The following PDE4C variants were observed in gnomAD, a reference collection of about 807,000 sequenced individuals.
PDE4C encodes 3',5'-cyclic-AMP phosphodiesterase 4C.
A neutral mutation model predicts 63.9 loss-of-function variants in PDE4C; 50 were observed. That is an observed-to-expected ratio of 0.78 (90% CI 0.62 to 0.99). The LOEUF is 0.99. PDE4C is among the 50% of genes least tolerant of loss of function. PDE4C has a pLI of 0.00. For synonymous variants in PDE4C, 377 were observed against 385.1 expected (o/e 0.98, Z 0.25); for missense variants, 777 against 899.1 (o/e 0.86, Z 1.74).
rs147079191 is a variant in PDE4C, at chr19:18,224,892, A to C, written c.146+1378T>G. On this transcript the variant is annotated intron_variant, in intron 1 of 14. Transcript: ENST00000262805. ...GGACTGGAGGCGGCGGATAACCCAG[A>C]TCTGCCCCTCGAGGGGGAGGCATGC... Among the ~76,000 whole-genome samples, 996 of 152,266 alleles carry C rather than the reference A, an allele frequency of 6.5e-3. 14 individuals carry two copies. The highest frequency in any genetic ancestry group is 0.023 in the African/African-American group (941 of 41,550).
At chr19:18,223,294 T>G (rs1968572373) in intron 1 of PDE4C, among the ~76,000 whole-genome samples, 1 of 150,534 alleles carries the variant, frequency 6.6e-6, no homozygotes, top group Non-Finnish European at 1.5e-5. Context: ...CACCGCAACC[T>G]CCGCCTCCCA....
chr19:18,239,335 A>G (rs1055223370), intron 1 of PDE4C, among the ~76,000 whole-genome samples: 3 of 152,232 alleles, frequency 2.0e-5, no homozygotes, highest in South Asian at 4.1e-4. Flanking sequence ...AATGCTGGAT[A>G]CATTTTAAGA....
intron 1 of PDE4C, 36 bp from the exon 2 acceptor site, chr19:18,222,359 C>G (rs1264687886): frequency 6.3e-7 from 1 of 1,580,184 alleles, no homozygotes; most frequent in Non-Finnish European, 8.6e-7. Context: ...AGACGAGGGT[C>G]ATGACAACTG....
chr19:18,217,122 A>T, intron 11 of PDE4C: 1 of 453,654 alleles, frequency 2.2e-6, no homozygotes, highest in Non-Finnish European at 3.9e-6. Flanking sequence ...CTCCTCATGG[A>T]CCCCCTATGG....
chr19:18,245,139 GTTGGTTT>G, intron 1 of PDE4C, among the ~76,000 whole-genome samples: 1 of 139,504 alleles, frequency 7.2e-6, no homozygotes, highest in Middle Eastern at 4.0e-3. Context: ...CTAGCCTGTT[GTTGGTTT>G]TTTGTTTGTT....
chr19:18,212,412 C>T lies in PDE4C; in HGVS notation c.1513-471G>A, dbSNP rs576078648. Among the ~76,000 whole-genome samples the T allele has an allele frequency of 4.6e-5, 7 of 151,098 alleles. No homozygotes were observed. In the South Asian group the frequency reaches 6.3e-4, roughly 14 times the overall value. On this transcript the variant is annotated intron_variant, in intron 13 of 14. Transcript: ENST00000262805. ...CTGGTCTCAAACTCCTGAGCTCAAGCGATCCACCCATCTCAGCCTCTCAAA... is the reference window on the plus strand; with the variant it reads ...CTGGTCTCAAACTCCTGAGCTCAAGTGATCCACCCATCTCAGCCTCTCAAA...
chr19:18,221,052 G>GCCAGGGCCCCCCCCCCCCCCCCCCCC, intron 4 of PDE4C, 53 bp downstream of exon 4: 1 of 1,245,308 alleles, frequency 8.0e-7, no homozygotes, highest in Non-Finnish European at 1.1e-6. Flanking sequence ...CCCGCTTTCC[G>GCCAGGGCCCCCCCCCCCCCCCCCCCC]CCCACCTTGT....
chr19:18,225,141 C>G (rs1335346375), intron 1 of PDE4C, among the ~76,000 whole-genome samples: 2 of 152,130 alleles, frequency 1.3e-5, no homozygotes. Flanking sequence ...GGCTGTGGTT[C>G]CATGACGCGG....
At chr19:18,247,485 G>A (rs560758119) in intron 1 of PDE4C, among the ~76,000 whole-genome samples, 4 of 152,162 alleles carry the variant, frequency 2.6e-5, no homozygotes, top group Admixed American at 1.3e-4. Context: ...TAGTAGAGAC[G>A]GGGTTTCTCC....
chr19:18,208,147 CTT>C (rs1173521615), downstream of PDE4C: 1 of 152,128 alleles, frequency 6.6e-6, no homozygotes, highest in African/African-American at 2.4e-5. Context: ...ACCCGGATGA[CTT>C]TTAGTTCTGG....
chr19:18,222,695 C>G lies in PDE4C; in HGVS notation c.147-372G>C, dbSNP rs893993981. Among the ~76,000 whole-genome samples the G allele has an allele frequency of 9.8e-5, 4 of 40,950 alleles. No individual in the cohort carries two copies. In the Admixed American group the frequency reaches 1.1e-3, roughly 11 times the overall value. 26.9% of individuals were successfully genotyped at this position (40,950 alleles called of 152,430 possible). On this transcript the variant is annotated intron_variant, in intron 1 of 14. Transcript: ENST00000262805. ...TCTCTCTCTCTCTCTCTCGCCCTTT[C>G]TTTTCTTTTTTTTTTTTTTTTTTTG...
intron 1 of PDE4C, among the ~76,000 whole-genome samples, chr19:18,222,695 C>CTTTTTT (rs1568671568): frequency 2.4e-5 from 1 of 40,946 alleles, no homozygotes; most frequent in Non-Finnish European, 5.4e-5. Context: ...CTCGCCCTTT[C>CTTTTTT]TTTTCTTTTT....
exon 10 of PDE4C, chr19:18,218,434 A>G: frequency 6.2e-7 from 1 of 1,614,204 alleles, no homozygotes; most frequent in Non-Finnish European, 8.5e-7. Flanking sequence ...GTGACCTTCC[A>G]GCATCAGCAG....
chr19:18,229,725 G>A (rs1968812089), upstream of PDE4C, among the ~76,000 whole-genome samples: 1 of 151,998 alleles, frequency 6.6e-6, no homozygotes, highest in South Asian at 2.1e-4. Flanking sequence ...AAGTCCCCAC[G>A]GAGGAGTCAA....
intron 1 of PDE4C, among the ~76,000 whole-genome samples, chr19:18,247,834 C>G (rs140361698): frequency 1.1e-4 from 16 of 152,210 alleles, no homozygotes; most frequent in African/African-American, 3.9e-4. Context: ...TCTGCACCCT[C>G]CCTTGAACCC....
intron 1 of PDE4C, among the ~76,000 whole-genome samples, chr19:18,239,842 A>G (rs1162947738): frequency 6.6e-6 from 1 of 151,982 alleles, no homozygotes; most frequent in Non-Finnish European, 1.5e-5. Context: ...CCTGACCAAC[A>G]TGGCAAAACC....
chr19:18,219,132 C>T (rs1968346712), intron 8 of PDE4C, 94 bp from the exon 9 acceptor site: 7 of 1,584,492 alleles, frequency 4.4e-6, no homozygotes, highest in South Asian at 1.1e-5. Flanking sequence ...CACAGTGAGC[C>T]CCAACTGCCC....
chr19:18,230,157 T>A (rs969818005), upstream of PDE4C, among the ~76,000 whole-genome samples: 11 of 152,204 alleles, frequency 7.2e-5, no homozygotes, highest in African/African-American at 2.7e-4. Context: ...CAAGGCCAGG[T>A]CTGCCATGTT....
At chr19:18,232,955 G>A in exon 1 of PDE4C, 3 of 1,454,534 alleles carry the variant, frequency 2.1e-6, no homozygotes, top group Non-Finnish European at 2.7e-6. Flanking sequence ...CCTACCGCCT[G>A]CAGGAGGAAA....
Sources: gnomAD v4.1 joint callset for allele counts (sites outside exome capture counted in the v4.1 genomes callset) on GRCh38, gnomAD v4.1.1 for gene constraint, MANE v1.5 for transcripts, NCBI Gene and HGNC (gene_info 2026-07-23, HGNC 2026-07-21) for gene names.